The following TENM3 variants were observed in gnomAD, a reference collection of about 807,000 sequenced individuals.
TENM3 encodes the protein teneurin-3.
TENM3 carries 63 observed loss-of-function variants against 255.1 expected under a neutral mutation model. The ratio of observed to expected loss-of-function variants is 0.25; its 90% CI spans 0.20 to 0.30. TENM3 has a LOEUF of 0.30. TENM3 is among the 10% of genes least tolerant of loss of function. The pLI is 1.00. For missense variants in TENM3, 2,929 were observed against 3,461.1 expected (o/e 0.85, Z 3.86); for synonymous variants, 1,306 against 1,322.3 (o/e 0.99, Z 0.27).
chr4:182,359,022 T>C (rs1159259976), intron 3 of TENM3, among the ~76,000 whole-genome samples: 2 of 151,604 alleles, frequency 1.3e-5, no homozygotes, highest in African/African-American at 4.8e-5. Flanking sequence ...GGATTACATT[T>C]ATTGATTTGC....
chr4:181,469,398 T>C, the TENM3 span, among the ~76,000 whole-genome samples: 3 of 152,186 alleles, frequency 2.0e-5, no homozygotes, highest in African/African-American at 7.2e-5. Context: ...AGAAACAATG[T>C]TTTTACTTCA....
the TENM3 span, among the ~76,000 whole-genome samples, chr4:181,924,291 G>C: frequency 6.6e-6 from 1 of 152,198 alleles, no homozygotes; most frequent in Non-Finnish European, 1.5e-5. Flanking sequence ...ACACAAACAT[G>C]ATGATGCTCA....
intron 19 of TENM3, among the ~76,000 whole-genome samples, chr4:182,746,592 G>A (rs947020305): frequency 6.6e-6 from 1 of 152,238 alleles, no homozygotes; most frequent in Non-Finnish European, 1.5e-5. Flanking sequence ...CTGAGACAGT[G>A]GGGACCCATT....
At chr4:182,245,110 C>T (rs1178522746) in intron 1 of TENM3, among the ~76,000 whole-genome samples, 1 of 152,160 alleles carries the variant, frequency 6.6e-6, no homozygotes, top group Non-Finnish European at 1.5e-5. Flanking sequence ...GCAGAGGTCA[C>T]TTGCTATGGG....
At chr4:181,553,076 TG>T in the TENM3 span, among the ~76,000 whole-genome samples, 1 of 152,172 alleles carries the variant, frequency 6.6e-6, no homozygotes, top group South Asian at 2.1e-4. Flanking sequence ...TCACTTGATA[TG>T]GGGCTTGAAC....
At chr4:181,517,442 A>C in the TENM3 span, among the ~76,000 whole-genome samples, 1 of 152,168 alleles carries the variant, frequency 6.6e-6, no homozygotes, top group East Asian at 1.9e-4. Flanking sequence ...TAAGCCTGAA[A>C]AGAGAGCAGA....
intron 1 of TENM3, among the ~76,000 whole-genome samples, chr4:182,300,781 C>T (rs937258161): frequency 3.3e-5 from 5 of 152,188 alleles, no homozygotes; most frequent in Admixed American, 2.0e-4. Context: ...AATCCACAGG[C>T]TCCCTAGACT....
At chr4:182,674,866 T>C (rs1755536194) in intron 7 of TENM3, among the ~76,000 whole-genome samples, 1 of 149,348 alleles carries the variant, frequency 6.7e-6, no homozygotes, top group Non-Finnish European at 1.5e-5. Context: ...CCACCGCGTC[T>C]GGGCTATTTT....
the TENM3 span, among the ~76,000 whole-genome samples, chr4:181,659,839 A>C: frequency 6.6e-6 from 1 of 152,162 alleles, no homozygotes; most frequent in African/African-American, 2.4e-5. Context: ...TTTTCCCCCA[A>C]GTAGTACTGT....
At chr4:182,701,210 C>CTTTTTGTTTTTTT (rs1757833740) in intron 12 of TENM3, among the ~76,000 whole-genome samples, 1 of 38,644 alleles carries the variant, frequency 2.6e-5, no homozygotes, top group African/African-American at 1.2e-4. Flanking sequence ...CAACTCTTGA[C>CTTTTTGTTTTTTT]TTTTTTTTTT....
the TENM3 span, among the ~76,000 whole-genome samples, chr4:181,615,193 A>T: frequency 6.6e-6 from 1 of 152,024 alleles, no homozygotes; most frequent in South Asian, 2.1e-4. Context: ...TGGGTGGGAG[A>T]GTCCAAGCCT....
intron 1 of TENM3, among the ~76,000 whole-genome samples, chr4:182,149,263 A>C (rs1158307383): frequency 6.6e-6 from 1 of 152,016 alleles, no homozygotes; most frequent in Non-Finnish European, 1.5e-5. Flanking sequence ...TATTTTACAC[A>C]AGTGCTAGAG....
At chr4:181,630,760 A>G in the TENM3 span, among the ~76,000 whole-genome samples, 3 of 152,102 alleles carry the variant, frequency 2.0e-5, no homozygotes, top group Non-Finnish European at 2.9e-5. Context: ...ACCTCCATCT[A>G]TGTGGTCAAT....
intron 22 of TENM3, among the ~76,000 whole-genome samples, chr4:182,769,796 A>G (rs61313850): frequency 0.075 from 11,229 of 148,890 alleles, 543 homozygotes; most frequent in East Asian, 0.17. Context: ...AAAATAAATA[A>G]ATACATAAAT....
intron 1 of TENM3, among the ~76,000 whole-genome samples, chr4:182,243,956 T>TC (rs1325168436): frequency 2.2e-5 from 3 of 137,796 alleles, no homozygotes; most frequent in African/African-American, 5.5e-5. Flanking sequence ...CTTTTTTTTT[T>TC]TTTTTTTTTT....
chr4:182,460,800 TA>T (rs1173388762), intron 3 of TENM3, among the ~76,000 whole-genome samples: 1 of 152,216 alleles, frequency 6.6e-6, no homozygotes, highest in Admixed American at 6.5e-5. Flanking sequence ...CACTGAATTT[TA>T]GTTGTACTTA....
chr4:181,900,896 T>A, the TENM3 span, among the ~76,000 whole-genome samples: 1 of 152,192 alleles, frequency 6.6e-6, no homozygotes. Context: ...ATGAGAGGCA[T>A]CTATTTCTGC....
chr4:181,545,858 A>C, the TENM3 span, among the ~76,000 whole-genome samples: 4 of 152,136 alleles, frequency 2.6e-5, no homozygotes, highest in East Asian at 7.7e-4. Context: ...AGAAAGAAAT[A>C]TATGTTTTCA....
intron 11 of TENM3, among the ~76,000 whole-genome samples, chr4:182,686,979 C>G (rs1245483502): frequency 6.6e-6 from 1 of 152,076 alleles, no homozygotes; most frequent in African/African-American, 2.4e-5. Context: ...GTTAATAGTC[C>G]TGGGTGTTGT....
Sources: gnomAD v4.1 joint callset for allele counts (sites outside exome capture counted in the v4.1 genomes callset) on GRCh38, gnomAD v4.1.1 for gene constraint, MANE v1.5 for transcripts, NCBI Gene and HGNC (gene_info 2026-07-23, HGNC 2026-07-21) for gene names.